ASIC2: variants seen among roughly 807,000 people sequenced by gnomAD.
The protein encoded by ASIC2 is acid sensing ion channel subunit 2.
A neutral mutation model predicts 57.3 loss-of-function variants in ASIC2; 25 were observed. That is an observed-to-expected ratio of 0.44 (90% CI 0.32 to 0.61). The LOEUF (loss-of-function observed/expected upper bound fraction) is 0.61. Ranked by LOEUF, ASIC2 falls within the 20% of genes least tolerant of loss-of-function variation. ASIC2 has a pLI of 0.06. For synonymous variants in ASIC2, 319 were observed against 307.5 expected, an observed-to-expected ratio of 1.04 and a Z score of -0.39; for missense variants, 641 against 738.1, an observed-to-expected ratio of 0.87 and a Z score of 1.52.
chr17:34,064,238 C>A (rs1298531485), intron 1 of ASIC2, among the ~76,000 whole-genome samples: 1 of 152,182 alleles, frequency 6.6e-6, no homozygotes, highest in Admixed American at 6.5e-5. Flanking sequence ...TTCCAGCCAA[C>A]TGACCTTTAA....
At chr17:33,129,670 T>C (rs1284436746) in intron 1 of ASIC2, among the ~76,000 whole-genome samples, 2 of 152,130 alleles carry the variant, frequency 1.3e-5, no homozygotes, top group Non-Finnish European at 2.9e-5. Flanking sequence ...TGACCCTGTA[T>C]GGCAGATGCA....
At chr17:34,023,209 C>A (rs986056063) in intron 1 of ASIC2, among the ~76,000 whole-genome samples, 6 of 152,094 alleles carry the variant, frequency 3.9e-5, no homozygotes, top group Non-Finnish European at 8.8e-5. Flanking sequence ...AACTCCTCAT[C>A]CCAAAGTTTA....
intron 1 of ASIC2, among the ~76,000 whole-genome samples, chr17:33,446,621 G>C (rs948221864): frequency 6.6e-6 from 1 of 152,114 alleles, no homozygotes; most frequent in South Asian, 2.1e-4. Context: ...AAGTAGTGAC[G>C]TTCTGTTTAT....
chr17:34,004,046 C>G (rs1439327895), intron 1 of ASIC2: 3 of 152,204 alleles, frequency 2.0e-5, no homozygotes, highest in Non-Finnish European at 4.4e-5. Context: ...CCTGAAAGAC[C>G]TCCTTCATGC....
intron 1 of ASIC2, among the ~76,000 whole-genome samples, chr17:33,284,814 G>C (rs1041356772): frequency 1.3e-5 from 2 of 152,268 alleles, no homozygotes; most frequent in East Asian, 1.9e-4. Context: ...GAATGTGACT[G>C]TTTATGTAAC....
chr17:33,660,482 T>C (rs1312362133), intron 1 of ASIC2, among the ~76,000 whole-genome samples: 1 of 152,102 alleles, frequency 6.6e-6, no homozygotes, highest in Non-Finnish European at 1.5e-5. Context: ...TTTTTACTTT[T>C]TAAGGATTTT....
At chr17:34,089,281 A>T (rs78995393) in intron 1 of ASIC2, among the ~76,000 whole-genome samples, 1 of 152,156 alleles carries the variant, frequency 6.6e-6, no homozygotes, top group East Asian at 1.9e-4. Flanking sequence ...GGGTAGATAG[A>T]AGTTTTGCCT....
chr17:33,398,460 G>C (rs1910159206), intron 1 of ASIC2, among the ~76,000 whole-genome samples: 1 of 152,168 alleles, frequency 6.6e-6, no homozygotes, highest in Non-Finnish European at 1.5e-5. Flanking sequence ...TGGTGATGAT[G>C]GTAGCAGTCA....
At chr17:33,298,764 T>C (rs1905826613) in intron 1 of ASIC2, among the ~76,000 whole-genome samples, 1 of 152,184 alleles carries the variant, frequency 6.6e-6, no homozygotes, top group African/African-American at 2.4e-5. Context: ...CACCTGTTGT[T>C]TCCTGAGTTT....
In ASIC2 at chr17:33,291,996, G is replaced by T. The variant is rs932009305; in HGVS notation, c.120C>A (p.Gly40=). The T allele has an allele frequency of 2.2e-5, 27 of 1,254,260 alleles. No individual in the cohort carries two copies. Among genetic ancestry groups the T allele is most frequent in the African/African-American group, 6.3e-5 (4 of 63,702 alleles). 77.7% of individuals were successfully genotyped at this position (1,254,260 alleles called of 1,614,324 possible). ...GCAGCGCCCGCTCGCCGCCTCTGCC[G>T]CCCCCGGGCTGCCCGGCAGCCGCCA... ...AALAAAGQPG[G]GRGGERALQG... is the part of the protein sequence containing the mutation. Residue 40 remains glycine, a synonymous_variant, in exon 1 of 10, where the codon GGC becomes GGA. Coordinates refer to ENST00000225823, the MANE Select transcript of ASIC2 (RefSeq NM_183377.2).
chr17:33,419,947 T>A (rs1749375582), intron 1 of ASIC2, among the ~76,000 whole-genome samples: 1 of 152,188 alleles, frequency 6.6e-6, no homozygotes, highest in Non-Finnish European at 1.5e-5. Context: ...TGTCTATATA[T>A]GTTTAGACTT....
intron 1 of ASIC2, among the ~76,000 whole-genome samples, chr17:33,683,161 G>A (rs1038163173): frequency 2.6e-5 from 4 of 152,162 alleles, no homozygotes; most frequent in East Asian, 1.9e-4. Flanking sequence ...TCTGCCTCCC[G>A]GGTTCATGCC....
intron 1 of ASIC2, among the ~76,000 whole-genome samples, chr17:33,809,639 C>T (rs1912363561): frequency 6.6e-6 from 1 of 152,204 alleles, no homozygotes; most frequent in African/African-American, 2.4e-5. Context: ...TACCCAAATA[C>T]TGAGGACTGA....
chr17:33,845,843 G>C (rs1913578831), intron 1 of ASIC2, among the ~76,000 whole-genome samples: 1 of 152,120 alleles, frequency 6.6e-6, no homozygotes, highest in African/African-American at 2.4e-5. Flanking sequence ...TGAAAAAAAA[G>C]CTTGTAAGGA....
chr17:33,992,458 T>A (rs1200887378), intron 1 of ASIC2, among the ~76,000 whole-genome samples: 1 of 152,204 alleles, frequency 6.6e-6, no homozygotes, highest in Non-Finnish European at 1.5e-5. Context: ...ATTTACTTCT[T>A]TCCTTCCAAC....
intron 1 of ASIC2, among the ~76,000 whole-genome samples, chr17:33,345,466 C>T (rs1907907091): frequency 6.6e-6 from 1 of 151,880 alleles, no homozygotes; most frequent in Non-Finnish European, 1.5e-5. Flanking sequence ...GGCTGGGCTC[C>T]CTTAAGAAAA....
chr17:33,857,720 C>T (rs1427829990), intron 1 of ASIC2, among the ~76,000 whole-genome samples: 1 of 152,172 alleles, frequency 6.6e-6, no homozygotes, highest in Non-Finnish European at 1.5e-5. Flanking sequence ...GAATCCAGGA[C>T]AGAGCTGGGA....
chr17:33,626,787 G>A (rs1279473362), intron 1 of ASIC2, among the ~76,000 whole-genome samples: 2 of 152,124 alleles, frequency 1.3e-5, no homozygotes, highest in Non-Finnish European at 2.9e-5. Flanking sequence ...CTGGGCTTAA[G>A]TTCTCATCAT....
chr17:33,579,651 T>C (rs4794960), intron 1 of ASIC2, among the ~76,000 whole-genome samples: 152,205 of 152,252 alleles, frequency 1, 76,079 homozygotes, highest in Middle Eastern at 1. Context: ...TTCTTCCTTC[T>C]GGTGGGCTCC....
Sources: gnomAD v4.1 joint callset for allele counts (sites outside exome capture counted in the v4.1 genomes callset) on GRCh38, gnomAD v4.1.1 for gene constraint, MANE v1.5 for transcripts, NCBI Gene and HGNC (gene_info 2026-07-23, HGNC 2026-07-21) for gene names.